MYLK3: variants seen among roughly 807,000 people sequenced by gnomAD.
MYLK3 encodes myosin light chain kinase 3.
In MYLK3, 55 loss-of-function variants were observed where a neutral mutation model predicts 76.3. That is an observed-to-expected ratio of 0.72 (90% confidence interval 0.58 to 0.90). The LOEUF is 0.90. Ranked by LOEUF, MYLK3 falls within the 40% of genes least tolerant of loss-of-function variation. The pLI is 0.00. For synonymous variants in MYLK3, 416 were observed against 425.4 expected (o/e 0.98, Z 0.27); for missense variants, 973 against 1,053.6 (o/e 0.92, Z 1.06).
chr16:46,753,167 T>C (rs1019636197), upstream of MYLK3, among the ~76,000 whole-genome samples: 2 of 152,184 alleles, frequency 1.3e-5, no homozygotes, highest in Non-Finnish European at 2.9e-5. Flanking sequence ...AAAGCTGGCA[T>C]GGAGCCAGCT....
At chr16:46,753,153 T>C (rs1337493247), upstream of MYLK3, among the ~76,000 whole-genome samples, 1 of 152,138 alleles carries the variant, frequency 6.6e-6, no homozygotes, top group African/African-American at 2.4e-5. Context: ...TACAGGCGAA[T>C]ACAAAAGCTG....
chr16:46,718,802 C>T (rs1447506160), intron 9 of MYLK3, among the ~76,000 whole-genome samples: 1 of 150,924 alleles, frequency 6.6e-6, no homozygotes, highest in Admixed American at 6.6e-5. Flanking sequence ...CCTGTCTCTA[C>T]TAAAAATATA....
chr16:46,737,114 G>A (rs763655034), intron 3 of MYLK3, among the ~76,000 whole-genome samples: 5 of 152,302 alleles, frequency 3.3e-5, no homozygotes, highest in Middle Eastern at 3.4e-3. Context: ...CCGACTTGAG[G>A]AAGCAGGATG....
chr16:46,724,731 T>C (rs935593672), intron 8 of MYLK3, among the ~76,000 whole-genome samples: 1 of 152,246 alleles, frequency 6.6e-6, no homozygotes, highest in African/African-American at 2.4e-5. Flanking sequence ...TGGGAAAAGT[T>C]AGTCCTCCAA....
intron 2 of MYLK3, among the ~76,000 whole-genome samples, chr16:46,738,658 C>A (rs1400787395): frequency 6.6e-6 from 1 of 152,226 alleles, no homozygotes; most frequent in Non-Finnish European, 1.5e-5. Flanking sequence ...CATCCTGTTT[C>A]TCTAAGAAGG....
intron 1 of MYLK3, among the ~76,000 whole-genome samples, chr16:46,754,702 G>A (rs1215773813): frequency 1.3e-5 from 2 of 152,108 alleles, no homozygotes; most frequent in Non-Finnish European, 2.9e-5. Flanking sequence ...TCTGAAAATA[G>A]ACTACTACAC....
upstream of MYLK3, among the ~76,000 whole-genome samples, chr16:46,750,059 T>G (rs1176323754): frequency 2.0e-5 from 3 of 152,178 alleles, no homozygotes. Context: ...TGTGTTCCAG[T>G]CCCTCTGGGG....
rs1966601999 is a variant in MYLK3, at chr16:46,704,016, A to G, written c.*3688T>C. The stretch of plus-strand genomic sequence containing the variant: ...TTGAGTATGTAAATACATTTTCCAC[A>G]GTAAGTTTTAAGAAATCTAAATACA... On this transcript the variant is annotated 3_prime_UTR_variant, in exon 13 of 13. Transcript: ENST00000394809. The G allele has an allele frequency of 6.5e-6, 1 of 153,108 alleles. No homozygotes were observed. Among genetic ancestry groups the G allele is most frequent in the African/African-American group, 2.4e-5 (1 of 41,472 alleles). The allele number at this position is 153,108 out of a possible 1,614,324, so 9.5% of individuals were successfully genotyped here.
chr16:46,742,450 ACACAC>A, intron 1 of MYLK3, among the ~76,000 whole-genome samples: 1 of 91,466 alleles, frequency 1.1e-5, no homozygotes, highest in African/African-American at 7.6e-5. Context: ...CAGCAAAAAC[ACACAC>A]ACACACACAC....
At chr16:46,751,054 T>A (rs1967118093), upstream of MYLK3, among the ~76,000 whole-genome samples, 1 of 151,714 alleles carries the variant, frequency 6.6e-6, no homozygotes, top group African/African-American at 2.4e-5. Context: ...AAAGATAACT[T>A]CAAAGTCTAA....
At chr16:46,736,994 T>C (rs1966871473) in intron 3 of MYLK3, among the ~76,000 whole-genome samples, 1 of 152,238 alleles carries the variant, frequency 6.6e-6, no homozygotes, top group Admixed American at 6.5e-5. Flanking sequence ...CCAGGACTTC[T>C]GCGTGAGCCT....
intron 1 of MYLK3, among the ~76,000 whole-genome samples, chr16:46,759,330 C>A (rs1418194138): frequency 2.0e-5 from 3 of 152,216 alleles, no homozygotes; most frequent in African/African-American, 7.2e-5. Context: ...AAATCCAGAC[C>A]AACGGCCATT....
intron 8 of MYLK3, among the ~76,000 whole-genome samples, chr16:46,724,612 T>C (rs187793483): frequency 3.0e-4 from 46 of 152,346 alleles, no homozygotes; most frequent in African/African-American, 9.9e-4. Flanking sequence ...ACCATAAATG[T>C]AATGGTTTAT....
At chr16:46,749,221 C>T (rs1241973455), upstream of MYLK3, among the ~76,000 whole-genome samples, 1 of 152,214 alleles carries the variant, frequency 6.6e-6, no homozygotes, top group East Asian at 1.9e-4. Flanking sequence ...ACAGGGAGCC[C>T]CTTAAAGTCC....
intron 8 of MYLK3, chr16:46,725,739 G>T (rs1966839533): frequency 6.6e-6 from 1 of 152,148 alleles, no homozygotes; most frequent in Non-Finnish European, 1.5e-5. Flanking sequence ...CTTTCCTTGT[G>T]ATGTCTTTGA....
At chr16:46,742,447 A>AACACACAC (rs57671045) in intron 1 of MYLK3, among the ~76,000 whole-genome samples, 130 of 131,166 alleles carry the variant, frequency 9.9e-4, no homozygotes, top group Middle Eastern at 4.0e-3. Context: ...TCCCAGCAAA[A>AACACACAC]ACACACACAC....
chr16:46,761,245 A>G (rs1329586795), intron 1 of MYLK3, among the ~76,000 whole-genome samples: 1 of 152,168 alleles, frequency 6.6e-6, no homozygotes, highest in African/African-American at 2.4e-5. Context: ...GCCACACGAC[A>G]TCAATGGAGG....
chr16:46,750,083 C>T (rs1967102950), upstream of MYLK3, among the ~76,000 whole-genome samples: 1 of 152,206 alleles, frequency 6.6e-6, no homozygotes, highest in Admixed American at 6.5e-5. Flanking sequence ...CACCGTGCAC[C>T]TCAGGAGGAC....
Position 46,732,401 on chromosome 16 carries a change from C to T in MYLK3, c.1269G>A (p.Glu423=). The change falls in exon 4 of 13, where the codon GAG becomes GAA. Residue 423 remains glutamate, a synonymous_variant. Transcript: ENST00000394809. ...TGGCCAAGCTTGGTCTCGTGCCAGG[C>T]TCGGCCCCAGCCCTTTGCTCCTCCT... ...KAEEEQRAGA[E]PGTRPSLARS... 1.2e-6 allele frequency: 2 copies of T among 1,613,662 alleles called. No homozygotes were observed. The highest frequency in any genetic ancestry group is 1.3e-5 in the African/African-American group (1 of 75,082).
Sources: gnomAD v4.1 joint callset for allele counts (sites outside exome capture counted in the v4.1 genomes callset) on GRCh38, gnomAD v4.1.1 for gene constraint, MANE v1.5 for transcripts, NCBI Gene and HGNC (gene_info 2026-07-23, HGNC 2026-07-21) for gene names.